Variants in PCDHAC1 observed in about 807,000 individuals in gnomAD.
The protein encoded by PCDHAC1 is protocadherin alpha subfamily C, 1.
In PCDHAC1, 42 loss-of-function variants were observed where a neutral mutation model predicts 60.0. The observed-to-expected ratio is 0.70, with a 90% CI of 0.55 to 0.90. The LOEUF (loss-of-function observed/expected upper bound fraction) is 0.90. Among genes scored for constraint, PCDHAC1 ranks in the 40% least tolerant of loss-of-function variants. PCDHAC1 has a pLI of 0.00. For synonymous variants in PCDHAC1, 468 were observed against 499.3 expected, an observed-to-expected ratio of 0.94 and a Z score of 0.84; for missense variants, 1,160 against 1,222.3, an observed-to-expected ratio of 0.95 and a Z score of 0.76.
At chr5:140,991,782 C>A (rs1257930918) in intron 3 of PCDHAC1, among the ~76,000 whole-genome samples, 1 of 152,158 alleles carries the variant, frequency 6.6e-6, no homozygotes, top group Non-Finnish European at 1.5e-5. Flanking sequence ...AGACTCTGCC[C>A]ATTTCCCAAT....
At chr5:140,989,837 T>C (rs1389244965) in intron 3 of PCDHAC1, among the ~76,000 whole-genome samples, 1 of 152,120 alleles carries the variant, frequency 6.6e-6, no homozygotes, top group African/African-American at 2.4e-5. Context: ...AGCCTGTCAA[T>C]GAGTGTGTGG....
chr5:140,995,386 A>G (rs1156268381), intron 3 of PCDHAC1, among the ~76,000 whole-genome samples: 1 of 152,202 alleles, frequency 6.6e-6, no homozygotes, highest in Non-Finnish European at 1.5e-5. Context: ...TGGGCAGGAT[A>G]AAGCGGGATG....
intron 1 of PCDHAC1, among the ~76,000 whole-genome samples, chr5:140,950,992 G>A (rs2094539287): frequency 6.6e-6 from 1 of 151,384 alleles, no homozygotes; most frequent in Admixed American, 6.6e-5. Flanking sequence ...GCCTCTTTTA[G>A]CTCCATTTTT....
intron 1 of PCDHAC1, among the ~76,000 whole-genome samples, chr5:140,970,978 A>G (rs2096449048): frequency 1.3e-5 from 2 of 152,188 alleles, no homozygotes; most frequent in African/African-American, 4.8e-5. Flanking sequence ...ATTAAGAAAA[A>G]TGGGGGAATA....
At chr5:140,939,766 C>T (rs58911992) in intron 1 of PCDHAC1, among the ~76,000 whole-genome samples, 27,055 of 152,058 alleles carry the variant, frequency 0.18, 2,673 homozygotes, top group African/African-American at 0.26. Context: ...TATAGTATTT[C>T]AGGGTGTGAA....
intron 1 of PCDHAC1, chr5:140,966,591 C>A (rs2096024240): frequency 1.7e-6 from 1 of 588,704 alleles, no homozygotes; most frequent in Non-Finnish European, 2.7e-6. Flanking sequence ...GACGGTGGGG[C>A]CAGGAGCCCT....
At chr5:140,986,532 C>G (rs1298199477) in intron 3 of PCDHAC1, among the ~76,000 whole-genome samples, 2 of 152,184 alleles carry the variant, frequency 1.3e-5, no homozygotes, top group Non-Finnish European at 2.9e-5. Context: ...GGGAACTGGC[C>G]TGGCTTCAGT....
intron 3 of PCDHAC1, among the ~76,000 whole-genome samples, chr5:140,995,404 A>G (rs941348184): frequency 1.3e-5 from 2 of 152,184 alleles, no homozygotes; most frequent in Admixed American, 6.5e-5. Flanking sequence ...ATGGCTCGAG[A>G]TTTCATCACA....
rs782395968 is a variant in PCDHAC1, at chr5:141,011,916, A to G, written c.*1979A>G. ...TATTATCTATTTAGGCATTAATATA[A>G]AAGAGGTAGGAGTCTGTTATTTAAA... On this transcript the variant is annotated 3_prime_UTR_variant, in exon 4 of 4. Coordinates refer to ENST00000253807, the MANE Select transcript of PCDHAC1 (RefSeq NM_018898.5). 4 of 153,828 alleles carry G rather than the reference A, an allele frequency of 2.6e-5. No individual in the cohort carries two copies. The highest frequency in any genetic ancestry group is 4.4e-5 in the Non-Finnish European group (3 of 68,030). 9.5% of individuals were successfully genotyped at this position (153,828 alleles called of 1,614,324 possible). A position where few individuals can be genotyped will look rare whatever the true frequency, so the allele number is the denominator to read the frequency against.
intron 1 of PCDHAC1, among the ~76,000 whole-genome samples, chr5:140,972,284 T>A (rs113618936): frequency 3.6e-4 from 55 of 150,874 alleles, no homozygotes; most frequent in African/African-American, 1.3e-3. Context: ...GGACCATAGA[T>A]GTGCGCCACC....
At chr5:140,940,159 C>CT (rs1401623923) in intron 1 of PCDHAC1, among the ~76,000 whole-genome samples, 1 of 151,978 alleles carries the variant, frequency 6.6e-6, no homozygotes, top group East Asian at 1.9e-4. Context: ...TTTTGTTTGC[C>CT]TGAAATGTCA....
chr5:141,007,107 A>G (rs1162403610), intron 3 of PCDHAC1, among the ~76,000 whole-genome samples: 1 of 152,190 alleles, frequency 6.6e-6, no homozygotes, highest in Non-Finnish European at 1.5e-5. Context: ...GCCAAACCCA[A>G]GGAAGCTTCA....
At chr5:140,997,335 A>G (rs2097768018) in intron 3 of PCDHAC1, among the ~76,000 whole-genome samples, 1 of 152,230 alleles carries the variant, frequency 6.6e-6, no homozygotes, top group African/African-American at 2.4e-5. Context: ...TTCGTTGTAC[A>G]AATATCATAG....
Position 141,009,541 on chromosome 5 carries a change from A to G in PCDHAC1, c.2582-86A>G. 8 of 1,530,282 alleles carry G rather than the reference A, an allele frequency of 5.2e-6. No homozygotes were observed. The South Asian group carries it at 6.6e-5, about 13-fold the overall frequency. 94.8% of individuals were successfully genotyped at this position (1,530,282 alleles called of 1,614,324 possible). Reference sequence around the variant, plus strand: ...TTTTCTGGGGAGGTTCAGCCTGCCTATGCAGTACTCCTGTACTCTACCAGC... The same window carrying G: ...TTTTCTGGGGAGGTTCAGCCTGCCTGTGCAGTACTCCTGTACTCTACCAGC... On this transcript the variant is annotated intron_variant, in intron 3 of 3. Coordinates refer to ENST00000253807, the MANE Select transcript of PCDHAC1 (RefSeq NM_018898.5).
intron 1 of PCDHAC1, among the ~76,000 whole-genome samples, chr5:140,959,348 G>C (rs991931151): frequency 1.3e-5 from 2 of 152,110 alleles, no homozygotes; most frequent in Admixed American, 6.5e-5. Flanking sequence ...GCACTCCAGC[G>C]GGACAACTGA....
At position 140,928,757 on chromosome 5, in the gene PCDHAC1, G is replaced by A. The variant is rs372744198; in HGVS notation, c.1865G>A (p.Arg622His). 6.2e-7 allele frequency: 1 copy of A among 1,613,974 alleles called. No homozygotes were observed. The highest frequency in any genetic ancestry group is 1.3e-5 in the African/African-American group (1 of 74,882). Residue 622 changes from arginine (R) to histidine (H), a missense_variant, in exon 1 of 4, where the codon CGC becomes CAC. Around this residue, in one of 3 missense-constraint regions of PCDHAC1, gnomAD observed 1,113 missense variants for 1,163.7 expected, o/e 0.96. Transcript: ENST00000253807. ...SANIGELRTA[R>H]LVLPTDAVKQ... ...AATATAGGTGAGCTCCGTACTGCTC[G>A]CTTAGTTCTTCCCACTGATGCAGTT... is the stretch of plus-strand genomic sequence containing the variant.
intron 1 of PCDHAC1, among the ~76,000 whole-genome samples, chr5:140,974,870 A>G (rs781837180): frequency 9.9e-5 from 15 of 152,182 alleles, no homozygotes; most frequent in African/African-American, 1.4e-4. Context: ...AATGCGGAAC[A>G]GTCTATGTAT....
In PCDHAC1 at chr5:141,010,336, G is replaced by A. The variant is rs1297379181; in HGVS notation, c.*399G>A. ...AGATTGAGCAGCTTGGGAGTTTGTG[G>A]CCACTGGGTATGTGTGGCTACCGCG... On this transcript the variant is annotated 3_prime_UTR_variant, in exon 4 of 4. Coordinates refer to ENST00000253807, the MANE Select transcript of PCDHAC1 (RefSeq NM_018898.5). 25 of 1,535,806 alleles carry A rather than the reference G, an allele frequency of 1.6e-5. No individual in the cohort carries two copies. The highest frequency in any genetic ancestry group is 2.2e-5 in the Non-Finnish European group (25 of 1,141,450).
chr5:140,967,748 G>T, intron 1 of PCDHAC1: 1 of 1,614,204 alleles, frequency 6.2e-7, no homozygotes, highest in Non-Finnish European at 8.5e-7. Context: ...TTATGAGGAA[G>T]CCTCCTCCTA....
Sources: gnomAD v4.1 joint callset for allele counts (sites outside exome capture counted in the v4.1 genomes callset) on GRCh38, gnomAD v4.1.1 for gene constraint, gnomAD v4.1.1 regional missense constraint, MANE v1.5 for transcripts, NCBI Gene and HGNC (gene_info 2026-07-23, HGNC 2026-07-21) for gene names.